STIP1: variants seen among roughly 807,000 people sequenced by gnomAD.
STIP1 encodes the protein stress induced phosphoprotein 1, also known as stress-induced-phosphoprotein 1.
STIP1 carries 16 observed loss-of-function variants against 77.4 expected under a neutral mutation model. The observed-to-expected ratio is 0.21, with a 90% CI of 0.14 to 0.31. The LOEUF is 0.31. STIP1 is among the 10% of genes least tolerant of loss of function. STIP1 has a pLI of 1.00. For missense variants in STIP1, 524 were observed against 684.8 expected (o/e 0.77, Z 2.62); for synonymous variants, 258 against 246.6 (o/e 1.05, Z -0.44).
intron 7 of STIP1, 34 bp downstream of exon 7, chr11:64,197,629 G>A (rs1216208904): frequency 8.7e-6 from 14 of 1,611,016 alleles, no homozygotes; most frequent in Middle Eastern, 1.6e-4. Context: ...CTTGAGTAGC[G>A]CGGAGGGTTT....
At chr11:64,194,410 G>A in intron 3 of STIP1, 69 bp from the exon 4 acceptor site, 2 of 1,610,924 alleles carry the variant, frequency 1.2e-6, no homozygotes, top group Admixed American at 3.3e-5. Flanking sequence ...TGTCAGTCTG[G>A]TAGGGTATGG....
chr11:64,189,933 G>T (rs1946072693), intron 1 of STIP1, among the ~76,000 whole-genome samples: 1 of 151,548 alleles, frequency 6.6e-6, no homozygotes, highest in Non-Finnish European at 1.5e-5. Flanking sequence ...TTCTGCCCTT[G>T]CCTCTGTAAG....
rs1946245412 is a variant in STIP1, at chr11:64,203,549, C to G, written c.1486C>G (p.Gln496Glu). ...KRRAMADPEV[Q>E]QIMSDPAMRL... ...ACGAGCCATGGCCGACCCTGAGGTG[C>G]AGCAGATCATGAGTGACCCAGCCAT... Residue 496 changes from glutamine to glutamate, a missense_variant, in exon 13 of 14, where the codon CAG becomes GAG. By Grantham distance (29) the Gln-to-Glu change is conservative. Transcript: ENST00000305218. 1.2e-6 allele frequency: 2 copies of G among 1,614,200 alleles called. No homozygotes were observed. Among genetic ancestry groups the G allele is most frequent in the Non-Finnish European group, 1.7e-6 (2 of 1,180,034 alleles).
At position 64,204,408 on chromosome 11, in the gene STIP1, G is replaced by T. The variant is rs14788; in HGVS notation, c.*282G>T. 4.5e-5 allele frequency: 18 copies of T among 399,874 alleles called. No individual in the cohort carries two copies. The highest frequency in any genetic ancestry group is 2.0e-4 in the South Asian group (4 of 20,000). The allele number at this position is 399,874 out of a possible 1,614,324, so 24.8% of individuals were successfully genotyped here. ...TGTCTCGGCTGCTCTCCCATAGTTG[G>T]TTTTTTTTTTATTTGGGGCAGTGGG... is the stretch of plus-strand genomic sequence containing the variant. On this transcript the variant is annotated 3_prime_UTR_variant, in exon 14 of 14. Coordinates refer to ENST00000305218, the MANE Select transcript of STIP1 (RefSeq NM_006819.3).
At chr11:64,196,548 G>GT (rs1488578455) in intron 5 of STIP1, among the ~76,000 whole-genome samples, 3 of 152,140 alleles carry the variant, frequency 2.0e-5, no homozygotes, top group Non-Finnish European at 4.4e-5. Context: ...AAAGTTGAGA[G>GT]TAATTCACGT....
Position 64,202,899 on chromosome 11 carries a change from G to C in STIP1, c.1269G>C (p.Leu423=). ...AGGACTGTGAGGAATGTATCCAGCT[G>C]GAGCCGACCTTCAGTAAGTGCCTTT... ...ALKDCEECIQ[L]EPTFIKGYTR... The change falls in exon 11 of 14, where the codon CTG becomes CTC. Residue 423 remains leucine (L), a synonymous_variant. Coordinates refer to ENST00000305218, the MANE Select transcript of STIP1 (RefSeq NM_006819.3). 3 of 1,614,182 alleles carry C rather than the reference G, an allele frequency of 1.9e-6. No homozygotes were observed. The highest frequency in any genetic ancestry group is 1.1e-5 in the South Asian group (1 of 91,078).
intron 4 of STIP1, among the ~76,000 whole-genome samples, chr11:64,194,830 T>C (rs1406740212): frequency 6.6e-6 from 1 of 152,208 alleles, no homozygotes; most frequent in African/African-American, 2.4e-5. Context: ...TTCTTTGTCA[T>C]CTGTATACAC....
intron 10 of STIP1, among the ~76,000 whole-genome samples, chr11:64,201,202 G>GT (rs1946216587): frequency 6.6e-6 from 1 of 152,090 alleles, no homozygotes; most frequent in Non-Finnish European, 1.5e-5. Flanking sequence ...ACTGTACCCA[G>GT]CTAATTTTTG....
intron 10 of STIP1, among the ~76,000 whole-genome samples, chr11:64,202,254 C>G (rs1565283790): frequency 6.6e-6 from 1 of 151,894 alleles, no homozygotes; most frequent in South Asian, 2.1e-4. Flanking sequence ...TTTTTTGAGA[C>G]AGAGTTTCAC....
Position 64,197,951 on chromosome 11 carries a change from G to C in STIP1, c.1000G>C (p.Asp334His), listed in dbSNP as rs1259737036. Residue 334 changes from aspartate to histidine, a missense_variant, in exon 8 of 14, where the codon GAT becomes CAT. Physicochemically the swap from Asp to His is moderately conservative, Grantham distance 81 (BLOSUM62 -1). Coordinates refer to ENST00000305218, the MANE Select transcript of STIP1 (RefSeq NM_006819.3). ...GTCTCTGGCAGAGCACCGAACCCCA[G>C]ATGTGCTCAAGAAATGCCAGCAGGT... ...NKSLAEHRTP[D>H]VLKKCQQAEK... 3 of 1,613,456 alleles carry C rather than the reference G, an allele frequency of 1.9e-6. No individual in the cohort carries two copies. The highest frequency in any genetic ancestry group is 1.7e-5 in the Admixed American group (1 of 59,908).
intron 1 of STIP1, among the ~76,000 whole-genome samples, chr11:64,192,777 G>C (rs987951087): frequency 4.6e-5 from 7 of 152,222 alleles, no homozygotes; most frequent in Non-Finnish European, 1.0e-4. Context: ...AGGAGCATGT[G>C]GCACATTCTG....
At chr11:64,187,819 G>A (rs1168572949) in intron 1 of STIP1, among the ~76,000 whole-genome samples, 1 of 151,838 alleles carries the variant, frequency 6.6e-6, no homozygotes, top group Non-Finnish European at 1.5e-5. Context: ...GGCTAGCACA[G>A]TGAAACCCCG....
chr11:64,198,071 T>G, intron 8 of STIP1, 97 bp downstream of exon 8: 3 of 1,500,682 alleles, frequency 2.0e-6, no homozygotes, highest in Non-Finnish European at 2.7e-6. Flanking sequence ...ACTTTTTTTT[T>G]TTTTTGAGAT....
upstream of STIP1, chr11:64,186,053 G>A: frequency 1.9e-6 from 3 of 1,546,486 alleles, no homozygotes; most frequent in South Asian, 3.6e-5. Context: ...TGTCCAATGA[G>A]AAGGAAGTGG....
In STIP1 at chr11:64,200,020, C is replaced by T. The variant is rs943071771; in HGVS notation, c.1104C>T (p.Asn368=). The change falls in exon 9 of 14, where the codon AAC becomes AAT. Residue 368 remains asparagine (N), a synonymous_variant. Coordinates refer to ENST00000305218, the MANE Select transcript of STIP1 (RefSeq NM_006819.3). ...DLALEEKNKG[N]ECFQKGDYPQ... is the part of the protein sequence containing the mutation. ...CTTTGGAGGAGAAGAACAAAGGCAA[C>T]GAGTGTTTTCAGAAAGGTACTGCCT... 6 of 1,614,054 alleles carry T rather than the reference C, an allele frequency of 3.7e-6. No individual in the cohort carries two copies. The highest frequency in any genetic ancestry group is 2.2e-5 in the South Asian group (2 of 91,088).
intron 1 of STIP1, chr11:64,186,589 GC>G: frequency 4.6e-6 from 1 of 217,988 alleles, no homozygotes; most frequent in Non-Finnish European, 8.9e-6. Context: ...GGGGGCGGCT[GC>G]GGGCCATGTT....
chr11:64,186,234 T>G lies in STIP1; in HGVS notation c.-28T>G. The G allele has an allele frequency of 6.5e-7, 1 of 1,541,180 alleles. No individual in the cohort carries two copies. The highest frequency in any genetic ancestry group is 8.8e-7 in the Non-Finnish European group (1 of 1,141,524). On this transcript the variant is annotated 5_prime_UTR_variant, in exon 1 of 14. In the 5' UTR this introduces an upstream ATG that the reference lacks. Coordinates refer to ENST00000305218, the MANE Select transcript of STIP1 (RefSeq NM_006819.3). Reference sequence around the variant, plus strand: ...GGAACGCGGAGCGGACGGATTCGATTCAACGGGGTTCCGGACCGCGCTGCG... The same window carrying G: ...GGAACGCGGAGCGGACGGATTCGATGCAACGGGGTTCCGGACCGCGCTGCG...
intron 10 of STIP1, among the ~76,000 whole-genome samples, chr11:64,201,056 GAC>G (rs1048742905): frequency 2.5e-4 from 31 of 124,154 alleles, no homozygotes; most frequent in Non-Finnish European, 4.2e-4. Flanking sequence ...AAAAAAAAAA[GAC>G]AAGGTCTGGC....
chr11:64,190,175 A>G lies in STIP1; in HGVS notation c.10-2903A>G, dbSNP rs527551959. ...ACCACCACATCCGGGCAATTTATTT[A>G]TTTATTTATTTTTTTGAGACTGAGT... On this transcript the variant is annotated intron_variant, in intron 1 of 13. Coordinates refer to ENST00000305218, the MANE Select transcript of STIP1 (RefSeq NM_006819.3). 4.3e-4 allele frequency among the ~76,000 whole-genome samples: 64 copies of G among 149,924 alleles called. 1 individual carries two copies. The highest frequency in any genetic ancestry group is 1.4e-3 in the African/African-American group (56 of 40,652).
Sources: allele counts gnomAD v4.1 joint callset (sites outside exome capture counted in the v4.1 genomes callset), GRCh38; gene constraint gnomAD v4.1.1; transcripts MANE v1.5; gene names NCBI Gene and HGNC (gene_info 2026-07-23, HGNC 2026-07-21).